The following UNC79 variants were observed in gnomAD, a reference collection of about 807,000 sequenced individuals.
UNC79 encodes protein unc-79 homolog.
A neutral mutation model predicts 283.1 loss-of-function variants in UNC79; 37 were observed. That is an observed-to-expected ratio of 0.13 (90% confidence interval 0.10 to 0.17). The LOEUF (loss-of-function observed/expected upper bound fraction) is 0.17. Ranked by LOEUF, UNC79 falls within the 10% of genes least tolerant of loss-of-function variation. UNC79 has a pLI of 1.00. For missense variants in UNC79, 2,272 were observed against 3,211.1 expected, an observed-to-expected ratio of 0.71 and a Z score of 7.07; for synonymous variants, 1,107 against 1,200.2, an observed-to-expected ratio of 0.92 and a Z score of 1.61.
At chr14:93,513,189 C>CCCTT (rs1273983061) in intron 7 of UNC79, among the ~76,000 whole-genome samples, 1,463 of 126,340 alleles carry the variant, frequency 0.012, 24 homozygotes, top group African/African-American at 0.04. Context: ...CTCCCTCCCT[C>CCCTT]CCTTCCTTCC....
At chr14:93,519,914 A>G (rs1412903806) in intron 7 of UNC79, among the ~76,000 whole-genome samples, 1 of 151,818 alleles carries the variant, frequency 6.6e-6, no homozygotes, top group Non-Finnish European at 1.5e-5. Context: ...TTTGTTTTAA[A>G]TAATCAACCA....
rs774399849 is a variant in UNC79, at chr14:93,542,661, A to G, written c.1720A>G (p.Met574Val). The G allele has an allele frequency of 4.3e-6, 7 of 1,614,232 alleles. No homozygotes were observed. Among genetic ancestry groups the G allele is most frequent in the Admixed American group, 3.3e-5 (2 of 60,032 alleles). ...TGATGTTCGCTTCGATGTCATGGTC[A>G]TGTGCCTTCTTCCTAAACCCATGGA... Residue 574 changes from methionine to valine, a missense_variant, in exon 14 of 49, where the codon ATG (methionine) becomes GTG (valine). Physicochemically the swap from Met to Val is conservative, Grantham distance 21. Coordinates refer to ENST00000555664, the Ensembl canonical transcript of UNC79.
At chr14:93,649,991 T>C (rs924467643) in intron 35 of UNC79, among the ~76,000 whole-genome samples, 2 of 152,196 alleles carry the variant, frequency 1.3e-5, no homozygotes, top group Non-Finnish European at 2.9e-5. Flanking sequence ...TCTACCCCCA[T>C]AGAGGCAAAC....
chr14:93,543,294 C>G (rs1445719767), intron 14 of UNC79, among the ~76,000 whole-genome samples: 1 of 151,898 alleles, frequency 6.6e-6, no homozygotes, highest in Non-Finnish European at 1.5e-5. Flanking sequence ...GCACCTATTC[C>G]TCTCACTTAA....
intron 1 of UNC79, among the ~76,000 whole-genome samples, chr14:93,363,495 G>C (rs1271118018): frequency 6.6e-6 from 1 of 152,142 alleles, no homozygotes; most frequent in African/African-American, 2.4e-5. Context: ...GTCAAGTGTT[G>C]AGTTTAGGTC....
At chr14:93,346,606 T>C (rs1026214758) in intron 1 of UNC79, among the ~76,000 whole-genome samples, 2 of 152,238 alleles carry the variant, frequency 1.3e-5, no homozygotes, top group African/African-American at 4.8e-5. Context: ...TAGAAACTTG[T>C]TCTTGGTTTT....
chr14:93,494,775 G>A (rs1414358691), intron 5 of UNC79, among the ~76,000 whole-genome samples: 1 of 152,174 alleles, frequency 6.6e-6, no homozygotes, highest in African/African-American at 2.4e-5. Flanking sequence ...CAGAGAGGTT[G>A]CATCTGTTAA....
intron 1 of UNC79, among the ~76,000 whole-genome samples, chr14:93,458,249 T>C (rs2056849354): frequency 6.6e-6 from 1 of 152,148 alleles, no homozygotes; most frequent in Non-Finnish European, 1.5e-5. Context: ...AAATCGACAA[T>C]ATTAATAACT....
chr14:93,347,636 G>C (rs2053886012), intron 1 of UNC79, among the ~76,000 whole-genome samples: 1 of 152,122 alleles, frequency 6.6e-6, no homozygotes, highest in South Asian at 2.1e-4. Context: ...CCTGAGGAAC[G>C]CGCGGGGATT....
intron 41 of UNC79, among the ~76,000 whole-genome samples, chr14:93,680,395 A>G (rs1310313641): frequency 1.3e-5 from 2 of 152,210 alleles, no homozygotes; most frequent in African/African-American, 4.8e-5. Flanking sequence ...AACCATCCTT[A>G]TAGAGACAGC....
chr14:93,706,128 C>T (rs2075864428), intron 48 of UNC79, among the ~76,000 whole-genome samples: 1 of 152,196 alleles, frequency 6.6e-6, no homozygotes, highest in Non-Finnish European at 1.5e-5. Flanking sequence ...AGCAGGCCGA[C>T]AGAACTCCCT....
rs183890357 is a variant in UNC79, at chr14:93,406,321, G to A, written c.-350-61350G>A. Among the ~76,000 whole-genome samples the A allele has an allele frequency of 2.4e-3, 365 of 152,244 alleles. 14 individuals carry two copies. The highest frequency in any genetic ancestry group is 0.023 in the Admixed American group (358 of 15,284). On this transcript the variant is annotated intron_variant, in intron 1 of 49. Transcript: ENST00000256339. ...TAATGAGCTGGGCATGGTGGCTCAC[G>A]CCTGTTATTCCAGCACTTTGGGGGT...
chr14:93,346,760 G>T (rs2053840971), intron 1 of UNC79, among the ~76,000 whole-genome samples: 1 of 152,130 alleles, frequency 6.6e-6, no homozygotes, highest in South Asian at 2.1e-4. Context: ...AAGGAGTAGG[G>T]GTGCCAAGTC....
At chr14:93,404,909 A>G (rs2055195818) in intron 1 of UNC79, among the ~76,000 whole-genome samples, 1 of 152,120 alleles carries the variant, frequency 6.6e-6, no homozygotes, top group South Asian at 2.1e-4. Flanking sequence ...AGAAGCTTAT[A>G]TAGATATGTA....
chr14:93,544,872 C>T (rs983020736), intron 14 of UNC79, among the ~76,000 whole-genome samples: 1 of 152,152 alleles, frequency 6.6e-6, no homozygotes, highest in African/African-American at 2.4e-5. Context: ...GGTTATTTTC[C>T]AGAGCAGAGC....
chr14:93,427,258 T>G (rs2055752041), upstream of UNC79, among the ~76,000 whole-genome samples: 1 of 152,156 alleles, frequency 6.6e-6, no homozygotes, highest in South Asian at 2.1e-4. Flanking sequence ...TTTGGCATTT[T>G]GGGTCAATCA....
intron 26 of UNC79, among the ~76,000 whole-genome samples, chr14:93,610,234 A>G (rs953175607): frequency 4.6e-5 from 7 of 152,136 alleles, no homozygotes; most frequent in South Asian, 4.1e-4. Flanking sequence ...CCTTGCTGGG[A>G]GCTCCCTTTC....
intron 30 of UNC79, 59 bp downstream of exon 32, chr14:93,622,900 A>T: frequency 6.4e-7 from 1 of 1,569,642 alleles, no homozygotes; most frequent in African/African-American, 1.4e-5. Flanking sequence ...ATCTTGTTTG[A>T]TAGGGTACCG....
chr14:93,612,828 C>G (rs759702448), exon 27 of UNC79: 1 of 1,614,094 alleles, frequency 6.2e-7, no homozygotes, highest in South Asian at 1.1e-5. Context: ...ACAACACCAT[C>G]AAGGACCTGC....
Sources: gnomAD v4.1 joint callset for allele counts (sites outside exome capture counted in the v4.1 genomes callset) on GRCh38, gnomAD v4.1.1 for gene constraint, MANE v1.5 for transcripts, NCBI Gene and HGNC (gene_info 2026-07-23, HGNC 2026-07-21) for gene names.